The following UBXN2A variants were observed in gnomAD, a reference collection of about 807,000 sequenced individuals.
UBXN2A encodes the protein UBX domain protein 2A.
Under a neutral mutation model 28.4 loss-of-function variants are expected in UBXN2A, and 28 were observed. The ratio of observed to expected loss-of-function variants is 0.99; its 90% CI spans 0.73 to 1.35. UBXN2A has a LOEUF of 1.35. UBXN2A is among the 40% of genes most tolerant of loss of function. The pLI is 0.00. For synonymous variants in UBXN2A, 97 were observed against 103.6 expected, an observed-to-expected ratio of 0.94 and a Z score of 0.39; for missense variants, 253 against 297.9, an observed-to-expected ratio of 0.85 and a Z score of 1.11.
chr2:23,994,013 A>G (rs1174233193), intron 6 of UBXN2A, among the ~76,000 whole-genome samples: 2 of 152,086 alleles, frequency 1.3e-5, no homozygotes, highest in African/African-American at 4.8e-5. Context: ...CTTATCTACT[A>G]ATGATGAATT....
Position 23,966,653 on chromosome 2 carries a change from G to A in UBXN2A, c.42-4623G>A, listed in dbSNP as rs1365346756. 7.6e-5 allele frequency among the ~76,000 whole-genome samples: 11 copies of A among 145,042 alleles called. No homozygotes were observed. In the East Asian group the frequency reaches 1.2e-3, roughly 16 times the overall value. On this transcript the variant is annotated intron_variant, in intron 2 of 6. Coordinates refer to ENST00000309033, the MANE Select transcript of UBXN2A (RefSeq NM_181713.4). ...TTTTTAGTAGAGACGGGGTTTCACCGTGTTAGCCAGGATGGTCTCGATCTC... is the reference window on the plus strand; with the variant it reads ...TTTTTAGTAGAGACGGGGTTTCACCATGTTAGCCAGGATGGTCTCGATCTC...
chr2:23,983,780 A>G lies in UBXN2A; in HGVS notation c.425+747A>G, dbSNP rs138161632. 8.5e-4 allele frequency among the ~76,000 whole-genome samples: 130 copies of G among 152,074 alleles called. 1 individual carries two copies. In the South Asian group the frequency reaches 0.016, roughly 19 times the overall value. On this transcript the variant is annotated intron_variant, in intron 5 of 6. Coordinates refer to ENST00000309033, the MANE Select transcript of UBXN2A (RefSeq NM_181713.4). ...AACTTCTGCCTCCCTGGTTCAAGCA[A>G]TCCTCCTGCCTCAGCCCCTCTAGTA...
chr2:23,952,507 C>T (rs752345607), intron 1 of UBXN2A, among the ~76,000 whole-genome samples: 32 of 152,144 alleles, frequency 2.1e-4, no homozygotes, highest in East Asian at 5.8e-4. Context: ...TGCAATGGCG[C>T]GATGTCAGCT....
intron 2 of UBXN2A, among the ~76,000 whole-genome samples, chr2:23,963,201 C>T (rs967449594): frequency 7.2e-5 from 11 of 151,976 alleles, no homozygotes; most frequent in East Asian, 1.9e-4. Flanking sequence ...ACAGCCAAAC[C>T]GTATCAATAA....
intron 2 of UBXN2A, among the ~76,000 whole-genome samples, chr2:23,964,436 C>T (rs1038667658): frequency 4.6e-5 from 7 of 152,188 alleles, no homozygotes; most frequent in Non-Finnish European, 1.0e-4. Context: ...TCTCAAACTC[C>T]TGACCTCAAG....
intron 4 of UBXN2A, among the ~76,000 whole-genome samples, chr2:23,980,575 ATCT>A (rs1370689425): frequency 6.6e-6 from 1 of 152,114 alleles, no homozygotes; most frequent in African/African-American, 2.4e-5. Flanking sequence ...CCATTCGTAC[ATCT>A]TCTTTGGAGA....
At chr2:23,975,326 G>A (rs1197526642) in intron 3 of UBXN2A, among the ~76,000 whole-genome samples, 1 of 152,104 alleles carries the variant, frequency 6.6e-6, no homozygotes, top group Non-Finnish European at 1.5e-5. Flanking sequence ...TTTTGAAGAA[G>A]TGTCAAAGAA....
chr2:23,964,180 A>T (rs1320185928), intron 2 of UBXN2A, among the ~76,000 whole-genome samples: 1 of 151,784 alleles, frequency 6.6e-6, no homozygotes. Context: ...GGTAAAGAAT[A>T]TATAATACAT....
chr2:23,943,168 G>T (rs1373289046), intron 1 of UBXN2A, among the ~76,000 whole-genome samples: 3 of 151,890 alleles, frequency 2.0e-5, no homozygotes, highest in South Asian at 2.1e-4. Flanking sequence ...TGTTGGCCAG[G>T]CTGGTCTCGA....
At chr2:23,944,378 C>G (rs1705933522) in intron 1 of UBXN2A, 8 of 1,399,732 alleles carry the variant, frequency 5.7e-6, no homozygotes, top group Non-Finnish European at 7.1e-6. Flanking sequence ...GCATCATCTT[C>G]CTACACATTA....
intron 6 of UBXN2A, among the ~76,000 whole-genome samples, chr2:23,997,724 G>T (rs1201818614): frequency 6.6e-6 from 1 of 151,972 alleles, no homozygotes; most frequent in Non-Finnish European, 1.5e-5. Flanking sequence ...GGGATTACAG[G>T]TGTGAGCCAC....
At chr2:23,949,086 G>A (rs961587196) in intron 1 of UBXN2A, among the ~76,000 whole-genome samples, 23 of 149,582 alleles carry the variant, frequency 1.5e-4, no homozygotes, top group African/African-American at 4.9e-4. Context: ...GACTACAGGC[G>A]TGTGCTACCA....
chr2:23,999,921 A>G lies in UBXN2A; in HGVS notation c.*54A>G. On this transcript the variant is annotated 3_prime_UTR_variant, in exon 7 of 7. Coordinates refer to ENST00000309033, the MANE Select transcript of UBXN2A (RefSeq NM_181713.4). ...AGAGAAATGATGGTTGTAAGTGGAC[A>G]TGCAAACCAAAATTGGGGATTGGAG... 6.4e-7 allele frequency: 1 copy of G among 1,569,604 alleles called. No homozygotes were observed.
intron 6 of UBXN2A, among the ~76,000 whole-genome samples, chr2:23,997,528 T>C (rs569165658): frequency 1.3e-5 from 2 of 152,200 alleles, no homozygotes; most frequent in South Asian, 4.2e-4. Flanking sequence ...CTCGGCTCAC[T>C]GCAACCTCTG....
chr2:23,991,785 G>C (rs974967287), intron 6 of UBXN2A, among the ~76,000 whole-genome samples: 2 of 149,794 alleles, frequency 1.3e-5, no homozygotes, highest in African/African-American at 4.9e-5. Flanking sequence ...TTTGTTTTTT[G>C]TTTGTTTGTT....
chr2:23,955,711 A>G (rs543973473), intron 1 of UBXN2A, among the ~76,000 whole-genome samples: 22 of 152,362 alleles, frequency 1.4e-4, no homozygotes, highest in African/African-American at 5.3e-4. Flanking sequence ...ATATAATGGT[A>G]ACTATTTGCG....
At chr2:23,984,578 G>A (rs1708046543) in intron 5 of UBXN2A, 95 bp from the exon 6 acceptor site, 1 of 1,097,352 alleles carries the variant, frequency 9.1e-7, no homozygotes, top group African/African-American at 1.6e-5. Flanking sequence ...CTTCCTTAAA[G>A]TTATACTTGC....
At chr2:23,950,165 A>T (rs377263539) in intron 1 of UBXN2A, among the ~76,000 whole-genome samples, 1 of 152,092 alleles carries the variant, frequency 6.6e-6, no homozygotes, top group African/African-American at 2.4e-5. Flanking sequence ...AATATCACAC[A>T]ATATGATTTA....
At chr2:23,936,049 CA>C (rs1041797829), upstream of UBXN2A, among the ~76,000 whole-genome samples, 1 of 151,508 alleles carries the variant, frequency 6.6e-6, no homozygotes, top group African/African-American at 2.4e-5. Flanking sequence ...GAGGCTGTCT[CA>C]AAAATAAATA....
Sources: allele counts gnomAD v4.1 joint callset (sites outside exome capture counted in the v4.1 genomes callset), GRCh38; gene constraint gnomAD v4.1.1; transcripts MANE v1.5; gene names NCBI Gene and HGNC (gene_info 2026-07-23, HGNC 2026-07-21).